The following CHRNB3 variants were observed in gnomAD, a reference collection of about 807,000 sequenced individuals.
The protein encoded by CHRNB3 is cholinergic receptor nicotinic beta 3 subunit, also known as neuronal acetylcholine receptor subunit beta-3.
Under a neutral mutation model 40.6 loss-of-function variants are expected in CHRNB3, and 37 were observed. The observed-to-expected ratio is 0.91, with a 90% CI of 0.70 to 1.20. CHRNB3 has a LOEUF of 1.20. Ranked by LOEUF, CHRNB3 falls within the 50% of genes most tolerant of loss-of-function variation. The probability of loss-of-function intolerance (pLI) is 0.00; values close to 1 mark genes in which losing one functional copy is unlikely to be tolerated. For missense variants in CHRNB3, 505 were observed against 551.2 expected (o/e 0.92, Z 0.84); for synonymous variants, 207 against 207.1 (o/e 1.00, Z 0.00).
chr8:42,716,269 G>A (rs890628262), intron 3 of CHRNB3, among the ~76,000 whole-genome samples: 1 of 151,728 alleles, frequency 6.6e-6, no homozygotes, highest in African/African-American at 2.4e-5. Flanking sequence ...GAGCCACTGT[G>A]CTGGGCGAAA....
At chr8:42,734,039 C>T (rs1013529544) in intron 5 of CHRNB3, among the ~76,000 whole-genome samples, 3 of 150,908 alleles carry the variant, frequency 2.0e-5, no homozygotes, top group Non-Finnish European at 4.4e-5. Flanking sequence ...GAGTGGATCA[C>T]GAGGTCAACA....
At chr8:42,703,427 A>T (rs1366585428) in intron 1 of CHRNB3, among the ~76,000 whole-genome samples, 78 of 35,562 alleles carry the variant, frequency 2.2e-3, no homozygotes, top group African/African-American at 4.3e-3. Flanking sequence ...TCGTCTAAAA[A>T]AAAAAAAAAT....
In CHRNB3 at chr8:42,736,649, C is replaced by T. The variant is rs758040650; in HGVS notation, c.*31C>T. Reference sequence around the variant, plus strand: ...TAAAAGACATAAGACTAAATTACACCTTAGACCTGACATCTGGCTATCACA... The same window carrying T: ...TAAAAGACATAAGACTAAATTACACTTTAGACCTGACATCTGGCTATCACA... On this transcript the variant is annotated 3_prime_UTR_variant, in exon 6 of 6. Transcript: ENST00000289957. 4 of 1,612,710 alleles carry T rather than the reference C, an allele frequency of 2.5e-6. No individual in the cohort carries two copies. In the South Asian group the frequency reaches 4.4e-5, roughly 18 times the overall value.
chr8:42,736,967 T>G lies in CHRNB3; in HGVS notation c.*349T>G, dbSNP rs1586415557. On this transcript the variant is annotated 3_prime_UTR_variant, in exon 6 of 6. Coordinates refer to ENST00000289957, the MANE Select transcript of CHRNB3 (RefSeq NM_000749.5). ...TCCTAGAAGCAGCAGGCCTCGGTGG[T>G]GGGGGAGGGGGGATTCACCTGGAAT... is the stretch of plus-strand genomic sequence containing the variant. 2 of 198,602 alleles carry G rather than the reference T, an allele frequency of 1.0e-5. No homozygotes were observed. Among genetic ancestry groups the G allele is most frequent in the Non-Finnish European group, 1.0e-5 (1 of 99,800 alleles). 12.3% of individuals were successfully genotyped at this position (198,602 alleles called of 1,614,324 possible).
chr8:42,724,664 G>A (rs900343243), intron 3 of CHRNB3, among the ~76,000 whole-genome samples: 4 of 152,002 alleles, frequency 2.6e-5, no homozygotes, highest in Non-Finnish European at 5.9e-5. Context: ...GATTTCAGAC[G>A]AGGCGGCAGC....
At chr8:42,723,065 TA>T (rs1816247457) in intron 3 of CHRNB3, among the ~76,000 whole-genome samples, 1 of 142,874 alleles carries the variant, frequency 7.0e-6, no homozygotes, top group Non-Finnish European at 1.6e-5. Flanking sequence ...TAAAATATCG[TA>T]ATAGGATATC....
chr8:42,717,726 A>G (rs1381983331), intron 3 of CHRNB3, among the ~76,000 whole-genome samples: 14 of 151,318 alleles, frequency 9.3e-5, no homozygotes, highest in Non-Finnish European at 2.1e-4. Context: ...CCTAGCTCAC[A>G]GTGTTGTCTG....
chr8:42,705,754 TGGA>T (rs1158482596), intron 1 of CHRNB3: 1 of 152,372 alleles, frequency 6.6e-6, no homozygotes, highest in Non-Finnish European at 1.5e-5. Context: ...TGGGGATAGA[TGGA>T]GGAGGACAGC....
At chr8:42,731,519 C>T (rs1278588862) in intron 4 of CHRNB3, 148 bp from the exon 5 acceptor site, 6 of 883,778 alleles carry the variant, frequency 6.8e-6, no homozygotes, top group Middle Eastern at 3.5e-4. Context: ...GGCGCCACCG[C>T]ACTCCAGCCC....
In CHRNB3 at chr8:42,714,296, C is replaced by A. The variant is rs552499291; in HGVS notation, c.249+3862C>A. Among the ~76,000 whole-genome samples, 5 of 151,840 alleles carry A rather than the reference C, an allele frequency of 3.3e-5. No individual in the cohort carries two copies. The South Asian group carries it at 8.3e-4, about 25-fold the overall frequency. Reference sequence around the variant, plus strand: ...GGATCACAAGGTCAGGAGATTGAGACCATCCTGGCTAACACGGTGAAACCC... The same window carrying A: ...GGATCACAAGGTCAGGAGATTGAGAACATCCTGGCTAACACGGTGAAACCC... On this transcript the variant is annotated intron_variant, in intron 3 of 5. Coordinates refer to ENST00000289957, the MANE Select transcript of CHRNB3 (RefSeq NM_000749.5).
At chr8:42,717,145 G>T (rs981836689) in intron 3 of CHRNB3, among the ~76,000 whole-genome samples, 1 of 134,238 alleles carries the variant, frequency 7.4e-6, no homozygotes. Flanking sequence ...AGGCCGAGGC[G>T]GGCGGATCAC....
chr8:42,727,523 C>T (rs1347226830), intron 3 of CHRNB3, among the ~76,000 whole-genome samples: 4 of 152,090 alleles, frequency 2.6e-5, no homozygotes, highest in Non-Finnish European at 4.4e-5. Context: ...TAGTCTTCTC[C>T]ACAAAAGGTG....
Position 42,737,008 on chromosome 8 carries a change from G to A in CHRNB3, c.*390G>A, listed in dbSNP as rs1216620666. 1 of 198,804 alleles carries A rather than the reference G, an allele frequency of 5.0e-6. No individual in the cohort carries two copies. Among genetic ancestry groups the A allele is most frequent in the East Asian group, 1.4e-4 (1 of 7,174 alleles). The allele number at this position is 198,804 out of a possible 1,614,324, so 12.3% of individuals were successfully genotyped here. A position where few individuals can be genotyped will look rare whatever the true frequency, so the allele number is the denominator to read the frequency against. On this transcript the variant is annotated 3_prime_UTR_variant, in exon 6 of 6. Coordinates refer to ENST00000289957, the MANE Select transcript of CHRNB3 (RefSeq NM_000749.5). Reference sequence around the variant, plus strand: ...CACCTGGAATTAAGGAAGTCTCGGTGTCGAGCTATCTGTGTGGGCAGAGCC... The same window carrying A: ...CACCTGGAATTAAGGAAGTCTCGGTATCGAGCTATCTGTGTGGGCAGAGCC...
chr8:42,699,348 T>C (rs1388743232), intron 1 of CHRNB3: 4 of 152,212 alleles, frequency 2.6e-5, no homozygotes, highest in Non-Finnish European at 5.9e-5. Flanking sequence ...AACATGATGA[T>C]ATGATAAGAC....
chr8:42,710,768 A>G (rs575678558), intron 3 of CHRNB3, among the ~76,000 whole-genome samples: 1 of 152,302 alleles, frequency 6.6e-6, no homozygotes, highest in Admixed American at 6.5e-5. Context: ...ACTTTCTCCC[A>G]GGTAGGGAAC....
intron 3 of CHRNB3, among the ~76,000 whole-genome samples, chr8:42,724,855 G>A (rs1367931976): frequency 3.3e-5 from 5 of 151,872 alleles, no homozygotes; most frequent in African/African-American, 4.8e-5. Flanking sequence ...GGTGGCAGGC[G>A]CCTGTAGTCC....
At chr8:42,734,160 G>T (rs943929981) in intron 5 of CHRNB3, among the ~76,000 whole-genome samples, 1 of 146,732 alleles carries the variant, frequency 6.8e-6, no homozygotes, top group African/African-American at 2.5e-5. Context: ...GGAGGCTGAG[G>T]CAGGAGAATC....
intron 1 of CHRNB3, among the ~76,000 whole-genome samples, chr8:42,708,282 T>G (rs1815951964): frequency 6.6e-6 from 1 of 151,996 alleles, no homozygotes. Context: ...CTGGCTAACA[T>G]GAGGAAACCC....
intron 3 of CHRNB3, among the ~76,000 whole-genome samples, chr8:42,727,452 T>G (rs1392496726): frequency 1.3e-5 from 2 of 151,318 alleles, no homozygotes; most frequent in African/African-American, 4.9e-5. Flanking sequence ...AATGGACCCA[T>G]GCACATACAC....
Sources: allele counts gnomAD v4.1 joint callset (sites outside exome capture counted in the v4.1 genomes callset), GRCh38; gene constraint gnomAD v4.1.1; transcripts MANE v1.5; gene names NCBI Gene and HGNC (gene_info 2026-07-23, HGNC 2026-07-21).